The following ATRN variants were observed in gnomAD, a reference collection of about 807,000 sequenced individuals.
The protein encoded by ATRN is attractin-2.
ATRN carries 54 observed loss-of-function variants against 178.7 expected under a neutral mutation model. The ratio of observed to expected loss-of-function variants is 0.30; its 90% CI spans 0.24 to 0.38. ATRN has a LOEUF of 0.38. Among genes scored for constraint, ATRN ranks in the 10% least tolerant of loss-of-function variants. ATRN has a pLI of 1.00. For missense variants in ATRN, 1,443 were observed against 1,815.1 expected, an observed-to-expected ratio of 0.79 and a Z score of 3.73; for synonymous variants, 636 against 663.0, an observed-to-expected ratio of 0.96 and a Z score of 0.63.
chr20:3,575,204 C>T (rs1245711077), intron 12 of ATRN, among the ~76,000 whole-genome samples: 1 of 152,152 alleles, frequency 6.6e-6, no homozygotes, highest in Admixed American at 6.5e-5. Flanking sequence ...CCTTGTGATC[C>T]GCCCGCCTCG....
intron 1 of ATRN, among the ~76,000 whole-genome samples, chr20:3,513,216 C>T (rs959504648): frequency 6.6e-5 from 10 of 152,150 alleles, no homozygotes; most frequent in South Asian, 2.1e-4. Context: ...TGCCTAGGTT[C>T]TCTTCTAGGG....
At position 3,485,610 on chromosome 20, in the gene ATRN, G is replaced by GTTTTTTTTTTTTTTTTTTTTTTTTT. The variant is rs3084238; in HGVS notation, c.410+14098_410+14122dup. The stretch of plus-strand genomic sequence containing the variant: ...TGGTTTGCCAATACATTTTTTTGAG[G>GTTTTTTTTTTTTTTTTTTTTTTTTT]TTTTTTTTTTTTTTTTTTTTTTTTT... On this transcript the variant is annotated intron_variant, in intron 1 of 28. Transcript: ENST00000262919. 2.2e-4 allele frequency among the ~76,000 whole-genome samples: 15 copies of GTTTTTTTTTTTTTTTTTTTTTTTTT among 67,918 alleles called. 3 individuals carry two copies. The highest frequency in any genetic ancestry group is 2.8e-4 in the African/African-American group (5 of 18,136). 44.6% of individuals were successfully genotyped at this position (67,918 alleles called of 152,430 possible). A position where few individuals can be genotyped will look rare whatever the true frequency, so the allele number is the denominator to read the frequency against.
chr20:3,501,910 A>G (rs2084969998), intron 1 of ATRN, among the ~76,000 whole-genome samples: 1 of 152,154 alleles, frequency 6.6e-6, no homozygotes, highest in Non-Finnish European at 1.5e-5. Context: ...TTTAGTTGGG[A>G]ACCCTGAAGG....
At chr20:3,617,045 G>A (rs561399551) in intron 24 of ATRN, among the ~76,000 whole-genome samples, 1 of 152,232 alleles carries the variant, frequency 6.6e-6, no homozygotes, top group African/African-American at 2.4e-5. Flanking sequence ...TTAGTATAAG[G>A]GCTTTACGGT....
At chr20:3,583,858 G>C in intron 16 of ATRN, 40 bp from the exon 17 acceptor site, 1 of 1,579,034 alleles carries the variant, frequency 6.3e-7, no homozygotes, top group Non-Finnish European at 8.7e-7. Context: ...TAGCGGACAT[G>C]GTGGGAGCTC....
intron 24 of ATRN, among the ~76,000 whole-genome samples, chr20:3,620,307 C>T (rs945888333): frequency 6.6e-6 from 1 of 152,020 alleles, no homozygotes; most frequent in African/African-American, 2.4e-5. Context: ...TGCAGTGGTG[C>T]GATCTTGGCT....
chr20:3,604,258 T>C lies in ATRN; in HGVS notation c.3797T>C (p.Ile1266Thr). 1 of 1,597,186 alleles carries C rather than the reference T, an allele frequency of 6.3e-7. No homozygotes were observed. Among genetic ancestry groups the C allele is most frequent in the Non-Finnish European group, 8.5e-7 (1 of 1,175,162 alleles). The change falls in exon 24 of 29, where the codon ATT (isoleucine) becomes ACT (threonine). Residue 1266 changes from isoleucine to threonine, a missense_variant. Ile to Thr is a moderately conservative substitution (Grantham distance 89, BLOSUM62 -1). Around this residue, in one of 4 missense-constraint regions of ATRN, gnomAD observed 289 missense variants for 440.8 expected, o/e 0.66. Transcript: ENST00000262919. ...AGTAATTTCACCTGGCCCATCAAAATTCAGGTAAGAAGAGGCTTTTGGTCT... is the reference window on the plus strand; with the variant it reads ...AGTAATTTCACCTGGCCCATCAAAACTCAGGTAAGAAGAGGCTTTTGGTCT... The part of the protein sequence containing the change: ...YVSNFTWPIK[I>T]QIAFSQHSNF...
intron 26 of ATRN, among the ~76,000 whole-genome samples, chr20:3,635,334 C>T (rs2087017461): frequency 6.6e-6 from 1 of 150,984 alleles, no homozygotes; most frequent in Non-Finnish European, 1.5e-5. Flanking sequence ...TAACCAAACA[C>T]CACCTGTTCC....
chr20:3,610,031 G>GCCT (rs1356554893), intron 24 of ATRN, among the ~76,000 whole-genome samples: 1 of 152,146 alleles, frequency 6.6e-6, no homozygotes, highest in Non-Finnish European at 1.5e-5. Flanking sequence ...AGCTTTGGAA[G>GCCT]TAGGTAGTGA....
intron 1 of ATRN, among the ~76,000 whole-genome samples, chr20:3,513,124 T>C (rs1160589664): frequency 6.6e-6 from 1 of 152,220 alleles, no homozygotes; most frequent in Non-Finnish European, 1.5e-5. Context: ...TAGATCCCAT[T>C]TGTCAATTTT....
Position 3,646,886 on chromosome 20 carries a change from G to C in ATRN, c.*39G>C, listed in dbSNP as rs1297627138. 6.2e-7 allele frequency: 1 copy of C among 1,610,436 alleles called. No individual in the cohort carries two copies. Among genetic ancestry groups the C allele is most frequent in the South Asian group, 1.1e-5 (1 of 90,394 alleles). The stretch of plus-strand genomic sequence containing the variant: ...GACTCTCCCACGCACGAGCTAGTGA[G>C]TGGCACACCAGAGCCATCTGCAGGG... On this transcript the variant is annotated 3_prime_UTR_variant, in exon 29 of 29. Transcript: ENST00000262919.
intron 27 of ATRN, among the ~76,000 whole-genome samples, chr20:3,641,598 A>T (rs1412030289): frequency 1.3e-5 from 2 of 149,702 alleles, no homozygotes; most frequent in Non-Finnish European, 3.0e-5. Context: ...CGCAAAAAAA[A>T]AAAAAAAAAA....
chr20:3,640,312 A>G (rs547290503), intron 27 of ATRN, among the ~76,000 whole-genome samples: 2 of 152,372 alleles, frequency 1.3e-5, no homozygotes, highest in African/African-American at 2.4e-5. Context: ...AGTACGCAGA[A>G]TGCAGCTCAG....
intron 1 of ATRN, among the ~76,000 whole-genome samples, chr20:3,479,181 G>A (rs1482744517): frequency 6.6e-6 from 1 of 152,110 alleles, no homozygotes; most frequent in Non-Finnish European, 1.5e-5. Context: ...ATGAGCCACT[G>A]CACCTGACCC....
intron 8 of ATRN, 32 bp downstream of exon 8, chr20:3,560,937 G>T: frequency 1.2e-6 from 2 of 1,607,090 alleles, no homozygotes; most frequent in South Asian, 1.1e-5. Context: ...GATGCCTTTT[G>T]AACATCAGAT....
At chr20:3,509,976 G>A (rs1411212002) in intron 1 of ATRN, among the ~76,000 whole-genome samples, 3 of 152,050 alleles carry the variant, frequency 2.0e-5, no homozygotes, top group South Asian at 2.1e-4. Context: ...ATATGTGTGT[G>A]TATACATAAT....
chr20:3,627,606 T>C (rs1359448400), intron 25 of ATRN, among the ~76,000 whole-genome samples: 2 of 152,170 alleles, frequency 1.3e-5, no homozygotes, highest in Non-Finnish European at 2.9e-5. Context: ...ATATGGTATA[T>C]GTAGCCAATG....
chr20:3,601,697 CAA>C (rs11475145), intron 23 of ATRN, among the ~76,000 whole-genome samples: 5,510 of 85,028 alleles, frequency 0.065, 96 homozygotes, highest in Non-Finnish European at 0.071. Context: ...ACCCTGTCTA[CAA>C]AAAAAAAAAA....
At chr20:3,511,227 A>C (rs970194714) in intron 1 of ATRN, among the ~76,000 whole-genome samples, 5 of 152,204 alleles carry the variant, frequency 3.3e-5, no homozygotes, top group African/African-American at 1.2e-4. Context: ...AGGGAAGAAA[A>C]CAATAAAGAT....
Sources: gnomAD v4.1 joint callset for allele counts (sites outside exome capture counted in the v4.1 genomes callset) on GRCh38, gnomAD v4.1.1 for gene constraint, gnomAD v4.1.1 regional missense constraint, MANE v1.5 for transcripts, NCBI Gene and HGNC (gene_info 2026-07-23, HGNC 2026-07-21) for gene names.